ANO10: variants seen among roughly 807,000 people sequenced by gnomAD.
ANO10 encodes the protein anoctamin-10.
Under a neutral mutation model 74.7 loss-of-function variants are expected in ANO10, and 77 were observed. That is an observed-to-expected ratio of 1.03 (90% CI 0.86 to 1.25). The LOEUF (loss-of-function observed/expected upper bound fraction) is 1.25. ANO10 is among the 50% of genes most tolerant of loss of function. ANO10 has a pLI of 0.00. For missense variants in ANO10, 721 were observed against 778.1 expected (o/e 0.93, Z 0.87); for synonymous variants, 279 against 284.9 (o/e 0.98, Z 0.21).
At chr3:43,490,907 A>C (rs907609930) in intron 11 of ANO10, among the ~76,000 whole-genome samples, 1 of 152,192 alleles carries the variant, frequency 6.6e-6, no homozygotes, top group Non-Finnish European at 1.5e-5. Context: ...AGGGAAAGGC[A>C]GTCTCCTAAT....
chr3:43,552,719 T>C (rs2079532784), intron 10 of ANO10, among the ~76,000 whole-genome samples: 1 of 132,132 alleles, frequency 7.6e-6, no homozygotes, highest in South Asian at 2.2e-4. Context: ...TATATATATA[T>C]ATATATATAT....
chr3:43,611,165 C>A (rs372360836), intron 1 of ANO10, among the ~76,000 whole-genome samples: 1 of 152,314 alleles, frequency 6.6e-6, no homozygotes, highest in South Asian at 2.1e-4. Context: ...GAAGTACTCA[C>A]AACTCCAGAT....
chr3:43,655,569 A>G (rs1261804214), intron 1 of ANO10, among the ~76,000 whole-genome samples: 2 of 152,214 alleles, frequency 1.3e-5, no homozygotes, highest in Non-Finnish European at 2.9e-5. Context: ...GCTGATTGGT[A>G]GAGCAGAGTG....
chr3:43,626,512 G>C (rs992692886), upstream of ANO10, among the ~76,000 whole-genome samples: 4 of 151,536 alleles, frequency 2.6e-5, no homozygotes, highest in African/African-American at 9.7e-5. Flanking sequence ...TGTTGGCCAG[G>C]CTGCTTTTGA....
intron 1 of ANO10, among the ~76,000 whole-genome samples, chr3:43,662,603 T>A (rs888538507): frequency 3.3e-5 from 5 of 150,958 alleles, no homozygotes; most frequent in African/African-American, 4.9e-5. Context: ...AATAAATGAA[T>A]CCAAGAGCTG....
intron 1 of ANO10, among the ~76,000 whole-genome samples, chr3:43,684,691 A>G (rs1170986044): frequency 6.6e-6 from 1 of 152,188 alleles, no homozygotes; most frequent in East Asian, 1.9e-4. Flanking sequence ...CAAATGTTCA[A>G]CAATGATAGA....
In ANO10 at chr3:43,561,185, C is replaced by T. The variant is rs565084456; in HGVS notation, c.1476+35G>A. 4 of 1,600,874 alleles carry T rather than the reference C, an allele frequency of 2.5e-6. No homozygotes were observed. The East Asian group carries it at 8.9e-5, about 36-fold the overall frequency. On this transcript the variant is annotated intron_variant, in intron 9 of 12. Transcript: ENST00000292246. ...TCAGTGCATGGCTATTATTCACTCT[C>T]AGTAAATGTTTAATTCAGCAATATT...
At chr3:43,566,269 G>A (rs374410843) in intron 7 of ANO10, among the ~76,000 whole-genome samples, 2,844 of 152,302 alleles carry the variant, frequency 0.019, 76 homozygotes, top group African/African-American at 0.063. Flanking sequence ...AGGGGCGCCC[G>A]CCATTGCCCA....
chr3:43,593,237 C>G (rs908090943), intron 4 of ANO10, among the ~76,000 whole-genome samples: 1 of 152,090 alleles, frequency 6.6e-6, no homozygotes, highest in Non-Finnish European at 1.5e-5. Context: ...GGCCAACATT[C>G]AAATACAGGA....
At chr3:43,451,856 A>G (rs2074892241) in intron 11 of ANO10, among the ~76,000 whole-genome samples, 1 of 152,218 alleles carries the variant, frequency 6.6e-6, no homozygotes, top group African/African-American at 2.4e-5. Context: ...CAAAGTCACA[A>G]AAGATTTTTG....
intron 12 of ANO10, among the ~76,000 whole-genome samples, chr3:43,413,458 T>C (rs1268236924): frequency 6.6e-6 from 1 of 151,814 alleles, no homozygotes; most frequent in Non-Finnish European, 1.5e-5. Context: ...TGTTTAAAAG[T>C]GTGTAGCACC....
chr3:43,568,023 G>T lies in ANO10; in HGVS notation c.1219-2296C>A, dbSNP rs1178259617. Among the ~76,000 whole-genome samples, 7 of 151,566 alleles carry T rather than the reference G, an allele frequency of 4.6e-5. No individual in the cohort carries two copies. In the East Asian group the frequency reaches 1.4e-3, roughly 29 times the overall value. On this transcript the variant is annotated intron_variant, in intron 7 of 12. Transcript: ENST00000292246. ...GCCAATGGAAAACAAAAAAAGGCAG[G>T]GGTTGCAATCCTAGTCTCTGATAAA... is the stretch of plus-strand genomic sequence containing the variant.
intron 11 of ANO10, chr3:43,485,807 A>G: frequency 3.6e-6 from 1 of 275,832 alleles, no homozygotes; most frequent in Non-Finnish European, 7.2e-6. Context: ...GTAGTGGGGC[A>G]GTGTGTGGCA....
At chr3:43,552,734 G>A (rs867564950) in intron 10 of ANO10, among the ~76,000 whole-genome samples, 83 of 134,754 alleles carry the variant, frequency 6.2e-4, no homozygotes, top group African/African-American at 1.6e-3. Flanking sequence ...ATATATGTAT[G>A]TATGTATGTA....
At chr3:43,644,428 G>T (rs1011450981) in intron 1 of ANO10, among the ~76,000 whole-genome samples, 3 of 152,110 alleles carry the variant, frequency 2.0e-5, no homozygotes, top group African/African-American at 7.2e-5. Context: ...GAGTAGACTT[G>T]GTTACTCTGC....
At chr3:43,602,393 A>G (rs969798383) in intron 2 of ANO10, among the ~76,000 whole-genome samples, 1 of 152,170 alleles carries the variant, frequency 6.6e-6, no homozygotes, top group African/African-American at 2.4e-5. Flanking sequence ...GCTAGAGTGC[A>G]ATGGTGCAAT....
At chr3:43,421,428 G>A (rs977941750) in intron 12 of ANO10, among the ~76,000 whole-genome samples, 2 of 152,180 alleles carry the variant, frequency 1.3e-5, no homozygotes, top group African/African-American at 4.8e-5. Flanking sequence ...GGGGGACTGA[G>A]GCAGGAAGAT....
rs1006011629 is a variant in ANO10, at chr3:43,460,396, C to T, written c.1798-27669G>A. ...TGCATACATACATGTGCCACACATG[C>T]ACACACAAAATAGATCTTTACTAAA... On this transcript the variant is annotated intron_variant, in intron 11 of 12. Transcript: ENST00000292246. 2.0e-5 allele frequency among the ~76,000 whole-genome samples: 3 copies of T among 152,352 alleles called. No homozygotes were observed. In the South Asian group the frequency reaches 6.2e-4, roughly 32 times the overall value.
At chr3:43,572,185 C>G (rs1279445248) in intron 7 of ANO10, among the ~76,000 whole-genome samples, 3 of 152,190 alleles carry the variant, frequency 2.0e-5, no homozygotes, top group African/African-American at 7.2e-5. Flanking sequence ...AATAGGAATC[C>G]TGTCAGTGCC....
Sources: gnomAD v4.1 joint callset for allele counts (sites outside exome capture counted in the v4.1 genomes callset) on GRCh38, gnomAD v4.1.1 for gene constraint, MANE v1.5 for transcripts, NCBI Gene and HGNC (gene_info 2026-07-23, HGNC 2026-07-21) for gene names.